The following CDKAL1 variants were observed in gnomAD, a reference collection of about 807,000 sequenced individuals.
CDKAL1 encodes CDKAL1 threonylcarbamoyladenosine tRNA methylthiotransferase.
Under a neutral mutation model 68.2 loss-of-function variants are expected in CDKAL1, and 32 were observed. That is an observed-to-expected ratio of 0.47 (90% CI 0.35 to 0.63). The LOEUF is 0.63. CDKAL1 is among the 30% of genes least tolerant of loss of function. The pLI, the probability that CDKAL1 is intolerant of heterozygous loss-of-function variation, is 0.00. For missense variants in CDKAL1, 606 were observed against 696.7 expected (o/e 0.87, Z 1.47); for synonymous variants, 234 against 244.3 (o/e 0.96, Z 0.39).
chr6:20,692,205 T>G (rs913168800), intron 5 of CDKAL1, among the ~76,000 whole-genome samples: 4 of 152,354 alleles, frequency 2.6e-5, no homozygotes, highest in Admixed American at 2.6e-4. Flanking sequence ...TCAAGGGCAA[T>G]TCTCACTATT....
chr6:20,883,536 A>T (rs533817135), intron 9 of CDKAL1, among the ~76,000 whole-genome samples: 7 of 152,296 alleles, frequency 4.6e-5, no homozygotes, highest in Admixed American at 3.3e-4. Flanking sequence ...GCGCAACCGA[A>T]TGTTTCATTT....
At chr6:20,989,623 T>A (rs1481265209) in intron 10 of CDKAL1, among the ~76,000 whole-genome samples, 2 of 152,228 alleles carry the variant, frequency 1.3e-5, no homozygotes, top group Non-Finnish European at 2.9e-5. Context: ...ATTAAATTGA[T>A]CAGCTATTGA....
At chr6:20,893,838 C>T (rs757732170) in intron 9 of CDKAL1, among the ~76,000 whole-genome samples, 1 of 152,088 alleles carries the variant, frequency 6.6e-6, no homozygotes, top group Admixed American at 6.5e-5. Context: ...TGCACAAGAA[C>T]TCACGATACT....
intron 9 of CDKAL1, among the ~76,000 whole-genome samples, chr6:20,902,233 G>C (rs1438285950): frequency 6.6e-6 from 1 of 151,966 alleles, no homozygotes; most frequent in Non-Finnish European, 1.5e-5. Flanking sequence ...GCTGCTGTGT[G>C]GAGAATAAAT....
At chr6:20,871,602 A>G (rs1760220260) in intron 9 of CDKAL1, among the ~76,000 whole-genome samples, 1 of 152,194 alleles carries the variant, frequency 6.6e-6, no homozygotes. Context: ...AAAAGCGCTT[A>G]GCAACACCAA....
intron 9 of CDKAL1, among the ~76,000 whole-genome samples, chr6:20,908,955 A>G (rs544322249): frequency 2.2e-4 from 34 of 152,336 alleles, no homozygotes; most frequent in Middle Eastern, 3.4e-3. Context: ...ATGCTACACT[A>G]TGATTGAATG....
intron 10 of CDKAL1, among the ~76,000 whole-genome samples, chr6:20,973,972 A>C (rs890122215): frequency 1.3e-5 from 2 of 152,246 alleles, no homozygotes; most frequent in Admixed American, 1.3e-4. Flanking sequence ...TAGACGATAT[A>C]TAACTGTGAA....
At chr6:21,066,878 G>T (rs1396412081) in intron 12 of CDKAL1, among the ~76,000 whole-genome samples, 1 of 152,032 alleles carries the variant, frequency 6.6e-6, no homozygotes, top group Non-Finnish European at 1.5e-5. Flanking sequence ...CTCCCATGTT[G>T]GTCTCCGAAA....
At chr6:20,907,672 C>T (rs867065842) in intron 9 of CDKAL1, among the ~76,000 whole-genome samples, 5 of 152,176 alleles carry the variant, frequency 3.3e-5, no homozygotes, top group Middle Eastern at 3.4e-3. Context: ...AGAGCTCCCC[C>T]GTGTGTGAGG....
At chr6:20,555,477 C>A (rs1204694547) in intron 4 of CDKAL1, among the ~76,000 whole-genome samples, 4 of 151,890 alleles carry the variant, frequency 2.6e-5, no homozygotes, top group Non-Finnish European at 1.5e-5. Flanking sequence ...TGCACCACCA[C>A]GCTCAGCTAA....
chr6:20,750,036 A>G (rs1223119562), intron 6 of CDKAL1, among the ~76,000 whole-genome samples: 1 of 151,974 alleles, frequency 6.6e-6, no homozygotes, highest in Non-Finnish European at 1.5e-5. Flanking sequence ...AGTGTCTGTC[A>G]TTGTAGCAAA....
chr6:20,983,641 A>G (rs1766277761), intron 10 of CDKAL1, among the ~76,000 whole-genome samples: 1 of 152,190 alleles, frequency 6.6e-6, no homozygotes, highest in South Asian at 2.1e-4. Context: ...GAATCGCTTG[A>G]ACCCGAGGGG....
intron 5 of CDKAL1, among the ~76,000 whole-genome samples, chr6:20,672,289 TCTCTCTCTCC>T (rs1462052037): frequency 5.6e-5 from 8 of 142,656 alleles, no homozygotes; most frequent in Admixed American, 1.4e-4. Context: ...TTTCTCTCTC[TCTCTCTCTCC>T]CTCTCCCTCT....
intron 5 of CDKAL1, among the ~76,000 whole-genome samples, chr6:20,687,880 T>C (rs1770696343): frequency 7.6e-6 from 1 of 130,904 alleles, no homozygotes; most frequent in Non-Finnish European, 1.5e-5. Context: ...ATGTAAAGGA[T>C]TTTTTTTTTT....
chr6:20,932,836 C>G (rs910512479), intron 9 of CDKAL1, among the ~76,000 whole-genome samples: 2 of 152,048 alleles, frequency 1.3e-5, no homozygotes, highest in Admixed American at 1.3e-4. Flanking sequence ...TAGAACCCTC[C>G]TAGGGGAACC....
chr6:20,697,792 T>G (rs1771168811), intron 5 of CDKAL1, among the ~76,000 whole-genome samples: 1 of 152,202 alleles, frequency 6.6e-6, no homozygotes. Flanking sequence ...GAGCTACTTT[T>G]CTACAAGACT....
At chr6:21,186,601 A>C (rs559506632) in intron 13 of CDKAL1, among the ~76,000 whole-genome samples, 2 of 152,206 alleles carry the variant, frequency 1.3e-5, no homozygotes, top group East Asian at 1.9e-4. Flanking sequence ...TGCTGTGGTC[A>C]ACCAGAAAAA....
At chr6:20,878,931 TAGTC>T (rs1760676072) in intron 9 of CDKAL1, among the ~76,000 whole-genome samples, 1 of 150,214 alleles carries the variant, frequency 6.7e-6, no homozygotes, top group African/African-American at 2.5e-5. Context: ...ATACAAAAAT[TAGTC>T]AGGCATGGTG....
intron 5 of CDKAL1, among the ~76,000 whole-genome samples, chr6:20,730,386 A>G (rs1317835926): frequency 6.6e-6 from 1 of 151,696 alleles, no homozygotes; most frequent in Non-Finnish European, 1.5e-5. Flanking sequence ...CGACCCGAAA[A>G]AAAAGGAAGA....
Sources: allele counts gnomAD v4.1 joint callset (sites outside exome capture counted in the v4.1 genomes callset), GRCh38; gene constraint gnomAD v4.1.1; transcripts MANE v1.5; gene names NCBI Gene and HGNC (gene_info 2026-07-23, HGNC 2026-07-21).